The following SCAF11 variants were observed in gnomAD, a reference collection of about 807,000 sequenced individuals.
SCAF11 encodes SR-related CTD associated factor 11.
Under a neutral mutation model 140.5 loss-of-function variants are expected in SCAF11, and 47 were observed. The ratio of observed to expected loss-of-function variants is 0.33; its 90% CI spans 0.26 to 0.43. SCAF11 has a LOEUF of 0.43. Ranked by LOEUF, SCAF11 falls within the 20% of genes least tolerant of loss-of-function variation. SCAF11 has a pLI of 1.00. For missense variants in SCAF11, 1,645 were observed against 1,705.1 expected (o/e 0.96, Z 0.62); for synonymous variants, 557 against 579.4 (o/e 0.96, Z 0.55).
At chr12:45,980,148 A>T (rs1397469943) in intron 1 of SCAF11, among the ~76,000 whole-genome samples, 3 of 152,214 alleles carry the variant, frequency 2.0e-5, no homozygotes, top group South Asian at 4.1e-4. Flanking sequence ...AGCCAGCATT[A>T]AGTAGTAGGA....
At chr12:45,989,859 G>T (rs151112002) in intron 1 of SCAF11, among the ~76,000 whole-genome samples, 54 of 152,286 alleles carry the variant, frequency 3.5e-4, no homozygotes, top group Non-Finnish European at 6.8e-4. Flanking sequence ...GGACGCTCGC[G>T]ACCAAAGTCT....
chr12:45,983,242 A>C (rs1259503613), intron 1 of SCAF11, among the ~76,000 whole-genome samples: 1 of 152,142 alleles, frequency 6.6e-6, no homozygotes, highest in African/African-American at 2.4e-5. Context: ...GCAGTGGTGG[A>C]GAGATGGAAA....
At chr12:45,984,502 C>G (rs867228330) in intron 1 of SCAF11, among the ~76,000 whole-genome samples, 8 of 152,154 alleles carry the variant, frequency 5.3e-5, no homozygotes, top group Admixed American at 3.9e-4. Context: ...ATCATCCAAG[C>G]GTCTTCACTG....
At chr12:45,990,221 G>A (rs1052923799) in intron 1 of SCAF11, 132 bp downstream of exon 1, 3 of 1,187,582 alleles carry the variant, frequency 2.5e-6, no homozygotes, top group African/African-American at 1.6e-5. Context: ...CACGGGCCGC[G>A]CGAGATTCCG....
At chr12:45,961,533 G>T in intron 3 of SCAF11, 167 bp downstream of exon 3, 1 of 620,416 alleles carries the variant, frequency 1.6e-6, no homozygotes, top group Non-Finnish European at 2.7e-6. Flanking sequence ...CCTGATAAAA[G>T]AAAATTAGAA....
rs114180943 is a variant in SCAF11, at chr12:45,926,528, G to T, written c.3173C>A (p.Ser1058Tyr). Reference sequence around the variant, plus strand: ...ACCAGAACCAAAGTTTTTATTCCAAGAATTTCCTGAATTTTCATTTCTATT... The same window carrying T: ...ACCAGAACCAAAGTTTTTATTCCAATAATTTCCTGAATTTTCATTTCTATT... ...EENRNENSGN[S>Y]WNKNFGSGWV... is the part of the protein sequence containing the mutation. Residue 1058 changes from serine (S) to tyrosine (Y), a missense_variant, in exon 11 of 15, where the codon TCT (serine) becomes TAT (tyrosine). Transcript: ENST00000369367. The T allele has an allele frequency of 9.4e-4, 1,514 of 1,612,930 alleles. 12 individuals are homozygous for T. In the African/African-American group the frequency reaches 0.017, roughly 18 times the overall value.
At chr12:45,953,079 G>C (rs1945588676) in intron 3 of SCAF11, among the ~76,000 whole-genome samples, 1 of 152,160 alleles carries the variant, frequency 6.6e-6, no homozygotes, top group South Asian at 2.1e-4. Flanking sequence ...TGGGAAAAAA[G>C]CTTTACCACA....
rs1308597899 is a variant in SCAF11, at chr12:45,919,851, A to G, written c.*2197T>C. On this transcript the variant is annotated 3_prime_UTR_variant, in exon 15 of 15. Transcript: ENST00000369367. ...CTCCAAAACTTTAGAACTTGTTTGC[A>G]AAAGCTAAATGGTATAAAACACATT... 1 of 152,344 alleles carries G rather than the reference A, an allele frequency of 6.6e-6. No homozygotes were observed. Among genetic ancestry groups the G allele is most frequent in the East Asian group, 1.9e-4 (1 of 5,182 alleles). The allele number at this position is 152,344 out of a possible 1,614,324, so 9.4% of individuals were successfully genotyped here. A position where few individuals can be genotyped will look rare whatever the true frequency, so the allele number is the denominator to read the frequency against.
At chr12:45,926,059 T>C in intron 11 of SCAF11, 83 bp downstream of exon 11, 2 of 1,378,590 alleles carry the variant, frequency 1.5e-6, no homozygotes, top group East Asian at 4.8e-5. Flanking sequence ...CAAATAAGGA[T>C]CATTTCAACT....
chr12:45,980,790 G>A (rs760511994), intron 1 of SCAF11, among the ~76,000 whole-genome samples: 2 of 152,052 alleles, frequency 1.3e-5, no homozygotes, highest in East Asian at 1.9e-4. Context: ...TGCCCTTTTA[G>A]TGCAAAGAAC....
At chr12:45,991,963 T>C (rs1324665682), upstream of SCAF11, 3 of 1,289,182 alleles carry the variant, frequency 2.3e-6, no homozygotes, top group African/African-American at 3.0e-5. Flanking sequence ...CGTGCTGCGC[T>C]CTCCAGCCAC....
Position 45,990,499 on chromosome 12 carries a change from C to G in SCAF11, c.-168G>C, listed in dbSNP as rs2136684175. The G allele has an allele frequency of 8.1e-7, 1 of 1,230,482 alleles. No homozygotes were observed. The highest frequency in any genetic ancestry group is 1.6e-5 in the African/African-American group (1 of 64,154). The allele number at this position is 1,230,482 out of a possible 1,614,324, so 76.2% of individuals were successfully genotyped here. A position where few individuals can be genotyped will look rare whatever the true frequency, so the allele number is the denominator to read the frequency against. ...GTCTCTAGGACACTGACTCCGCTGG[C>G]TCGGTCCGGAGGCGGCGGCGAAGCA... On this transcript the variant is annotated 5_prime_UTR_variant, in exon 1 of 15. Coordinates refer to ENST00000369367, the MANE Select transcript of SCAF11 (RefSeq NM_004719.3).
In SCAF11 at chr12:45,926,651, CTA is replaced by C; in HGVS notation, c.3048_3049del (p.His1016GlnfsTer3). ...TGTTATCCAATTGGGACAGTCATTT[CTA>C]TGTTTGTCAGCAGAATTTGGATCAT... On this transcript the variant is annotated frameshift_variant, in exon 11 of 15. Transcript: ENST00000369367. LOFTEE classifies it high-confidence loss of function. 1 of 1,613,852 alleles carries C rather than the reference CTA, an allele frequency of 6.2e-7. No individual in the cohort carries two copies. The highest frequency in any genetic ancestry group is 8.5e-7 in the Non-Finnish European group (1 of 1,179,998).
In SCAF11 at chr12:45,928,422, C is replaced by T. The variant is rs753369101; in HGVS notation, c.1279G>A (p.Val427Ile). ...PVLEKEHQPDVDSSNICTVQT... is the reference protein window; with the variant it reads ...PVLEKEHQPDIDSSNICTVQT... ...ACAGTACAAATGTTACTACTGTCTA[C>T]ATCTGGTTGGTGCTCTTTTTCTAAC... The change falls in exon 11 of 15, where the codon GTA becomes ATA. Residue 427 changes from valine (V) to isoleucine (I), a missense_variant. Val to Ile is a conservative substitution (Grantham distance 29). Around this residue, in one of 2 missense-constraint regions of SCAF11, gnomAD observed 1,582 missense variants for 1,609.2 expected, o/e 0.98. Transcript: ENST00000369367. The T allele has an allele frequency of 3.7e-5, 59 of 1,612,882 alleles. No homozygotes were observed. Among genetic ancestry groups the T allele is most frequent in the Admixed American group, 1.7e-5 (1 of 59,968 alleles).
At chr12:45,989,974 T>G (rs952888908) in intron 1 of SCAF11, among the ~76,000 whole-genome samples, 2 of 147,834 alleles carry the variant, frequency 1.4e-5, no homozygotes, top group Non-Finnish European at 3.0e-5. Context: ...GTGGAGCCCC[T>G]TCCCCCCCCC....
chr12:45,924,880 G>A lies in SCAF11; in HGVS notation c.3754C>T (p.Gln1252Ter). ...IQRNPFNIHP[Q>*]LPLHLHTGVP... ...CCTGTGTGGAGATGCAAGGGTAGCT[G>A]AGGATGAATGTTAAATGGATTGCGT... is the stretch of plus-strand genomic sequence containing the variant. Residue 1252 changes from glutamine (Q) to a stop codon, truncating the protein, a stop_gained, in exon 12 of 15, where the codon CAG becomes TAG. Coordinates refer to ENST00000369367, the MANE Select transcript of SCAF11 (RefSeq NM_004719.3). LOFTEE classifies it high-confidence loss of function. 6.2e-7 allele frequency: 1 copy of A among 1,614,174 alleles called. No homozygotes were observed. Among genetic ancestry groups the A allele is most frequent in the Non-Finnish European group, 8.5e-7 (1 of 1,180,036 alleles).
chr12:45,965,469 A>G (rs1945923390), intron 1 of SCAF11, among the ~76,000 whole-genome samples: 1 of 152,154 alleles, frequency 6.6e-6, no homozygotes, highest in Non-Finnish European at 1.5e-5. Flanking sequence ...ATACAGTAAC[A>G]TTTTATTTTA....
chr12:45,922,447 T>C lies in SCAF11; in HGVS notation c.4245+16A>G. The C allele has an allele frequency of 1.3e-6, 2 of 1,597,948 alleles. No individual in the cohort carries two copies. Among genetic ancestry groups the C allele is most frequent in the Non-Finnish European group, 8.5e-7 (1 of 1,177,086 alleles). ...TCAAAACAACGTGCACATACTCCAC[T>C]AAAGCCATAACTTACTTTATCTACT... On this transcript the variant is annotated intron_variant, in intron 14 of 14. Transcript: ENST00000369367.
chr12:45,924,997 T>G lies in SCAF11; in HGVS notation c.3637A>C (p.Asn1213His). The G allele has an allele frequency of 1.9e-6, 3 of 1,614,210 alleles. No homozygotes were observed. Among genetic ancestry groups the G allele is most frequent in the African/African-American group, 2.7e-5 (2 of 75,046 alleles). ...LPINMMQPQM[N>H]VMQQQMNAQH... The stretch of plus-strand genomic sequence containing the variant: ...GCATTCATTTGTTGCTGCATTACAT[T>G]CATTTGCGGTTGCATCATATTTATA... Residue 1213 changes from asparagine to histidine, a missense_variant, in exon 12 of 15, where the codon AAT becomes CAT. Physicochemically the swap from Asn to His is moderately conservative, Grantham distance 68 (BLOSUM62 1). This residue lies in a region of SCAF11 where 1,582 missense variants were observed against 1,609.2 expected (regional missense o/e 0.98). Coordinates refer to ENST00000369367, the MANE Select transcript of SCAF11 (RefSeq NM_004719.3).
Sources: allele counts gnomAD v4.1 joint callset (sites outside exome capture counted in the v4.1 genomes callset), GRCh38; gene constraint gnomAD v4.1.1; regional missense constraint gnomAD v4.1.1; transcripts MANE v1.5; gene names NCBI Gene and HGNC (gene_info 2026-07-23, HGNC 2026-07-21).